The following PTPRN2 variants were observed in gnomAD, a reference collection of about 807,000 sequenced individuals.
The protein encoded by PTPRN2 is protein tyrosine phosphatase receptor type N2, also known as receptor-type tyrosine-protein phosphatase N2.
PTPRN2 carries 74 observed loss-of-function variants against 118.8 expected under a neutral mutation model. The ratio of observed to expected loss-of-function variants is 0.62; its 90% confidence interval spans 0.52 to 0.76. The LOEUF (loss-of-function observed/expected upper bound fraction) is 0.76, where lower values mean the gene tolerates loss of function less well. PTPRN2 is among the 30% of genes least tolerant of loss of function. PTPRN2 has a pLI of 0.00. For synonymous variants in PTPRN2, 641 were observed against 608.0 expected, an observed-to-expected ratio of 1.05 and a Z score of -0.80; for missense variants, 1,481 against 1,394.4, an observed-to-expected ratio of 1.06 and a Z score of -0.99.
At chr7:158,154,650 A>G (rs1821533450) in intron 6 of PTPRN2, among the ~76,000 whole-genome samples, 1 of 152,210 alleles carries the variant, frequency 6.6e-6, no homozygotes, top group Non-Finnish European at 1.5e-5. Flanking sequence ...AATAGGAAAC[A>G]TCCACCTTCA....
intron 12 of PTPRN2, among the ~76,000 whole-genome samples, chr7:157,887,023 G>A (rs59852311): frequency 6.6e-6 from 1 of 151,526 alleles, no homozygotes; most frequent in East Asian, 1.9e-4. Context: ...CAAGCCCACA[G>A]CGGGCCTGTC....
intron 4 of PTPRN2, among the ~76,000 whole-genome samples, chr7:158,201,278 AG>A (rs972750589): frequency 2.0e-5 from 3 of 152,152 alleles, no homozygotes; most frequent in Non-Finnish European, 2.9e-5. Flanking sequence ...CATAATAGTG[AG>A]AACTAAGCTC....
intron 12 of PTPRN2, among the ~76,000 whole-genome samples, chr7:157,707,297 C>A (rs1170190574): frequency 6.6e-6 from 1 of 151,880 alleles, no homozygotes; most frequent in Non-Finnish European, 1.5e-5. Flanking sequence ...AGCATACTTA[C>A]ACACACAGCA....
At chr7:158,388,321 ACCC>A (rs1013994297) in intron 2 of PTPRN2, among the ~76,000 whole-genome samples, 7 of 151,076 alleles carry the variant, frequency 4.6e-5, no homozygotes, top group Admixed American at 3.9e-4. Flanking sequence ...CCGCAAGACC[ACCC>A]CCCCATGAGG....
chr7:157,801,344 G>A lies in PTPRN2; in HGVS notation c.1788+97329C>T, dbSNP rs1299826995. ...CAGGATGAACGGCCTCATCCACGGA[G>A]CACTGCTTTGCCGTCTCCAGAAAGA... is the stretch of plus-strand genomic sequence containing the variant. On this transcript the variant is annotated intron_variant, in intron 12 of 22. Transcript: ENST00000389418. The surrounding 1 kb of genome is among the most constrained non-coding windows in gnomAD (Gnocchi z 4.2). Among the ~76,000 whole-genome samples the A allele has an allele frequency of 1.3e-5, 2 of 152,198 alleles. No homozygotes were observed. The highest frequency in any genetic ancestry group is 4.8e-5 in the African/African-American group (2 of 41,456).
At chr7:157,976,329 T>C (rs1358767444) in intron 11 of PTPRN2, among the ~76,000 whole-genome samples, 1 of 152,234 alleles carries the variant, frequency 6.6e-6, no homozygotes, top group Non-Finnish European at 1.5e-5. Context: ...GCGGCTCCTC[T>C]GGCTGTTCCT....
At chr7:158,001,538 G>C (rs749037) in intron 11 of PTPRN2, among the ~76,000 whole-genome samples, 16 of 151,874 alleles carry the variant, frequency 1.1e-4, no homozygotes, top group Non-Finnish European at 1.3e-4. Flanking sequence ...GGCTGGGGAC[G>C]TGCACAGCAG....
intron 2 of PTPRN2, among the ~76,000 whole-genome samples, chr7:158,331,267 A>C (rs1804374046): frequency 1.3e-5 from 2 of 149,200 alleles, no homozygotes; most frequent in South Asian, 2.1e-4. Flanking sequence ...TCTCACCATA[A>C]GAGCTGACAC....
rs1130498 is a variant in PTPRN2, at chr7:158,166,944, G to A, written c.897C>T (p.Ser299=). The A allele has an allele frequency of 0.66, 951,058 of 1,442,536 alleles. 316,859 individuals are homozygous for A. Among genetic ancestry groups the A allele is most frequent in the East Asian group, 0.76 (30,048 of 39,604 alleles). The allele number at this position is 1,442,536 out of a possible 1,614,324, so 89.4% of individuals were successfully genotyped here. Residue 299 remains serine (S), a synonymous_variant, in exon 6 of 23, where the codon TCC becomes TCT. Coordinates refer to ENST00000389418, the MANE Select transcript of PTPRN2 (RefSeq NM_002847.5). Reference sequence around the variant, plus strand: ...GGGCTGGCTCACCATCGCCTGTGCTGGAGGGGTCTTCGGAATCTCCCAGAG... The same window carrying A: ...GGGCTGGCTCACCATCGCCTGTGCTAGAGGGGTCTTCGGAATCTCCCAGAG... ...PSPLGDSEDP[S]STGDGARIHT...
Position 157,596,431 on chromosome 7 carries a change from T to G in PTPRN2, c.2419-1116A>C, listed in dbSNP as rs548449761. Among the ~76,000 whole-genome samples, 1 of 152,266 alleles carries G rather than the reference T, an allele frequency of 6.6e-6. No individual in the cohort carries two copies. Among genetic ancestry groups the G allele is most frequent in the East Asian group, 1.9e-4 (1 of 5,186 alleles). Reference sequence around the variant, plus strand: ...TCCGAACGCATCTTGCTAGCTCCAATGGGAGAAGGTTGGCTTAGAAGACCA... The same window carrying G: ...TCCGAACGCATCTTGCTAGCTCCAAGGGGAGAAGGTTGGCTTAGAAGACCA... On this transcript the variant is annotated intron_variant, in intron 16 of 22. Transcript: ENST00000389418. This position sits in a 1 kb window ranked among gnomAD's most constrained non-coding sequence, Gnocchi z 4.2.
At chr7:158,519,745 A>G (rs1361608083) in intron 1 of PTPRN2, among the ~76,000 whole-genome samples, 2 of 152,160 alleles carry the variant, frequency 1.3e-5, no homozygotes, top group Admixed American at 1.3e-4. Flanking sequence ...ACTTTCTCCC[A>G]TCCCAAGCAG....
At chr7:158,541,489 G>A (rs1356228455) in intron 1 of PTPRN2, 2 of 1,351,994 alleles carry the variant, frequency 1.5e-6, no homozygotes, top group African/African-American at 3.0e-5. Context: ...TCCCTCGTCT[G>A]TGGACCTGAA....
At chr7:158,507,471 A>G (rs1235498948) in intron 1 of PTPRN2, among the ~76,000 whole-genome samples, 1 of 151,350 alleles carries the variant, frequency 6.6e-6, no homozygotes. Flanking sequence ...AATCACACAC[A>G]TGAAGGTCAG....
At chr7:158,545,913 C>T (rs974335866) in intron 1 of PTPRN2, among the ~76,000 whole-genome samples, 17 of 152,182 alleles carry the variant, frequency 1.1e-4, no homozygotes, top group African/African-American at 3.9e-4. Flanking sequence ...GCAAGAGGAT[C>T]GCTTGAACCT....
At chr7:158,377,292 G>A (rs1810617663) in intron 2 of PTPRN2, among the ~76,000 whole-genome samples, 1 of 152,280 alleles carries the variant, frequency 6.6e-6, no homozygotes, top group African/African-American at 2.4e-5. Flanking sequence ...CAAGCACGCG[G>A]GGTCAGGGGA....
intron 6 of PTPRN2, among the ~76,000 whole-genome samples, chr7:158,144,825 C>T (rs73173614): frequency 0.1 from 15,904 of 152,168 alleles, 934 homozygotes; most frequent in African/African-American, 0.16. Flanking sequence ...ACAGGTGTGT[C>T]GACCCACCCT....
chr7:157,734,730 A>G (rs1299094665), intron 12 of PTPRN2, among the ~76,000 whole-genome samples: 2 of 152,198 alleles, frequency 1.3e-5, no homozygotes, highest in Non-Finnish European at 1.5e-5. Flanking sequence ...CTTCGAAATG[A>G]TAACACAAAA....
chr7:157,818,894 C>T (rs908106510), intron 12 of PTPRN2, among the ~76,000 whole-genome samples: 6 of 152,108 alleles, frequency 3.9e-5, no homozygotes, highest in African/African-American at 1.4e-4. Flanking sequence ...CCTCGCCCAA[C>T]ACACCCCTCC....
intron 11 of PTPRN2, among the ~76,000 whole-genome samples, chr7:158,058,948 A>C (rs376980073): frequency 2.6e-3 from 131 of 50,092 alleles, no homozygotes; most frequent in Admixed American, 4.8e-3. Context: ...CTCCATCTGC[A>C]CACGGTGACA....
Sources: gnomAD v4.1 joint callset for allele counts (sites outside exome capture counted in the v4.1 genomes callset) on GRCh38, gnomAD v4.1.1 for gene constraint, Gnocchi (gnomAD v3.1) non-coding constraint, MANE v1.5 for transcripts, NCBI Gene and HGNC (gene_info 2026-07-23, HGNC 2026-07-21) for gene names.